ZMAT3: variants seen among roughly 807,000 people sequenced by gnomAD.
ZMAT3 encodes the protein zinc finger matrin-type protein 3.
A neutral mutation model predicts 32.3 loss-of-function variants in ZMAT3; 17 were observed. The observed-to-expected ratio is 0.53, with a 90% CI of 0.36 to 0.79. ZMAT3 has a LOEUF of 0.79. ZMAT3 is among the 30% of genes least tolerant of loss of function. ZMAT3 has a pLI of 0.00. For synonymous variants in ZMAT3, 120 were observed against 133.1 expected (o/e 0.90, Z 0.68); for missense variants, 329 against 359.7 (o/e 0.91, Z 0.69).
At chr3:179,063,433 A>C (rs1169299333) in intron 2 of ZMAT3, among the ~76,000 whole-genome samples, 1 of 152,230 alleles carries the variant, frequency 6.6e-6, no homozygotes, top group Non-Finnish European at 1.5e-5. Flanking sequence ...TTCTCTAATC[A>C]ATCTAATTCA....
intron 5 of ZMAT3, 99 bp from the exon 6 acceptor site, chr3:179,025,327 T>C: frequency 9.7e-7 from 1 of 1,026,460 alleles, no homozygotes; most frequent in Non-Finnish European, 1.4e-6. Context: ...GTTCAAATTA[T>C]AAAATTCACA....
intron 2 of ZMAT3, among the ~76,000 whole-genome samples, chr3:179,062,180 A>C (rs891432305): frequency 1.3e-5 from 2 of 152,314 alleles, no homozygotes; most frequent in Admixed American, 1.3e-4. Flanking sequence ...GGCCTGTAAG[A>C]TCATGGTGAC....
At position 179,019,532 on chromosome 3, in the gene ZMAT3, GC is replaced by G. The variant is rs1718437164; in HGVS notation, c.*5484del. 2 of 152,126 alleles carry G rather than the reference GC, an allele frequency of 1.3e-5. No individual in the cohort carries two copies. Among genetic ancestry groups the G allele is most frequent in the Admixed American group, 1.3e-4 (2 of 15,270 alleles). 9.4% of individuals were successfully genotyped at this position (152,126 alleles called of 1,614,324 possible). On this transcript the variant is annotated 3_prime_UTR_variant, in exon 6 of 6. Coordinates refer to ENST00000311417, the MANE Select transcript of ZMAT3 (RefSeq NM_022470.4). Reference sequence around the variant, plus strand: ...AGTCAAATGTTGATGGCAGAATCTAGCAGTGGTTATACTGCAAAGTTTTTTC... The same window carrying G: ...AGTCAAATGTTGATGGCAGAATCTAGAGTGGTTATACTGCAAAGTTTTTTC...
rs550531346 is a variant in ZMAT3 at position 179,018,584 on chromosome 3, C to T, written c.*6433G>A. On this transcript the variant is annotated 3_prime_UTR_variant, in exon 6 of 6. Coordinates refer to ENST00000311417, the MANE Select transcript of ZMAT3 (RefSeq NM_022470.4). ...AATCTGGAACATTTCAATTCTGATT[C>T]AATTCTACCCATTGAATCTTCATGA... 6.6e-6 allele frequency: 1 copy of T among 152,190 alleles called. No homozygotes were observed. The highest frequency in any genetic ancestry group is 1.9e-4 in the East Asian group (1 of 5,178). The allele number at this position is 152,190 out of a possible 1,614,324, so 9.4% of individuals were successfully genotyped here.
At position 179,023,710 on chromosome 3, in the gene ZMAT3, ATTTTTT is replaced by A. The variant is rs1164517696; in HGVS notation, c.*1301_*1306del. The A allele has an allele frequency of 2.0e-4, 5 of 25,054 alleles. 1 individual carries two copies. Among genetic ancestry groups the A allele is most frequent in the African/African-American group, 1.1e-3 (4 of 3,680 alleles). The allele number at this position is 25,054 out of a possible 1,614,324, so 1.6% of individuals were successfully genotyped here. Reference sequence around the variant, plus strand: ...GGAAAATATATCTATATATATATATATTTTTTTTTTTTTTTTTTTTTTTTTTTTGAG... The same window carrying A: ...GGAAAATATATCTATATATATATATATTTTTTTTTTTTTTTTTTTTTTGAG... On this transcript the variant is annotated 3_prime_UTR_variant, in exon 6 of 6. Coordinates refer to ENST00000311417, the MANE Select transcript of ZMAT3 (RefSeq NM_022470.4).
intron 2 of ZMAT3, 146 bp downstream of exon 2, chr3:179,067,337 T>C: frequency 1.1e-6 from 1 of 884,930 alleles, no homozygotes; most frequent in South Asian, 1.7e-5. Context: ...AACATAAGGC[T>C]TTTAATCAAA....
At chr3:179,030,113 T>C (rs1448624301) in intron 3 of ZMAT3, among the ~76,000 whole-genome samples, 4 of 152,210 alleles carry the variant, frequency 2.6e-5, no homozygotes, top group African/African-American at 7.2e-5. Flanking sequence ...CTGTTCTATC[T>C]TCCAAAGAGC....
At chr3:179,068,305 G>A (rs564569079) in intron 1 of ZMAT3, among the ~76,000 whole-genome samples, 2 of 152,214 alleles carry the variant, frequency 1.3e-5, no homozygotes, top group East Asian at 1.9e-4. Flanking sequence ...TCAGGAGTTC[G>A]AGACCAGCCT....
intron 2 of ZMAT3, among the ~76,000 whole-genome samples, chr3:179,034,936 T>C (rs1719499142): frequency 6.6e-6 from 1 of 152,172 alleles, no homozygotes; most frequent in African/African-American, 2.4e-5. Context: ...TACCAACATT[T>C]TTCATTTGCA....
chr3:179,024,156 G>A lies in ZMAT3; in HGVS notation c.*861C>T, dbSNP rs1320581552. 1 of 152,146 alleles carries A rather than the reference G, an allele frequency of 6.6e-6. No individual in the cohort carries two copies. Among genetic ancestry groups the A allele is most frequent in the African/African-American group, 2.4e-5 (1 of 41,426 alleles). The allele number at this position is 152,146 out of a possible 1,614,324, so 9.4% of individuals were successfully genotyped here. ...CAACTAGGGGGGAAAAAAGAGGAGG[G>A]AAGAAGGCGGCAATTATATGTGTGA... On this transcript the variant is annotated 3_prime_UTR_variant, in exon 6 of 6. Coordinates refer to ENST00000311417, the MANE Select transcript of ZMAT3 (RefSeq NM_022470.4).
rs529865832 is a variant in ZMAT3, at chr3:179,070,645, T to C, written c.-58+950A>G. Among the ~76,000 whole-genome samples the C allele has an allele frequency of 9.8e-5, 15 of 152,326 alleles. No individual in the cohort carries two copies. The East Asian group carries it at 2.7e-3, about 27-fold the overall frequency. ...AACTCAGATCTGTTCAACTGTTGCA[T>C]TGGTTTAAAAGGGACTAATTTGAAG... On this transcript the variant is annotated intron_variant, in intron 1 of 5. Coordinates refer to ENST00000311417, the MANE Select transcript of ZMAT3 (RefSeq NM_022470.4).
intron 2 of ZMAT3, among the ~76,000 whole-genome samples, chr3:179,050,181 CA>C (rs1443786597): frequency 1.3e-5 from 2 of 151,338 alleles, no homozygotes; most frequent in Non-Finnish European, 1.5e-5. Flanking sequence ...TTAAGTGAAA[CA>C]AAAGGTTGGT....
chr3:179,040,901 CAA>C (rs55945452), intron 2 of ZMAT3, among the ~76,000 whole-genome samples: 83,550 of 131,422 alleles, frequency 0.64, 24,189 homozygotes, highest in Middle Eastern at 0.73. Flanking sequence ...AAATGGAAAG[CAA>C]AAAAAAAAAA....
Position 179,024,331 on chromosome 3 carries a change from T to C in ZMAT3, c.*686A>G, listed in dbSNP as rs1274893767. 1 of 152,244 alleles carries C rather than the reference T, an allele frequency of 6.6e-6. No homozygotes were observed. The highest frequency in any genetic ancestry group is 2.4e-5 in the African/African-American group (1 of 41,434). The allele number at this position is 152,244 out of a possible 1,614,324, so 9.4% of individuals were successfully genotyped here. On this transcript the variant is annotated 3_prime_UTR_variant, in exon 6 of 6. Coordinates refer to ENST00000311417, the MANE Select transcript of ZMAT3 (RefSeq NM_022470.4). ...GAAAGACCCTAACAGTTTCTAATAA[T>C]GTATCCTACTGACAATGCATTGAGG... is the stretch of plus-strand genomic sequence containing the variant.
At chr3:179,064,069 T>C (rs1721280997) in intron 2 of ZMAT3, among the ~76,000 whole-genome samples, 1 of 152,232 alleles carries the variant, frequency 6.6e-6, no homozygotes, top group Non-Finnish European at 1.5e-5. Flanking sequence ...TGGCACATGA[T>C]ACAGTCCGGC....
intron 2 of ZMAT3, among the ~76,000 whole-genome samples, chr3:179,052,853 C>T (rs910509242): frequency 6.0e-4 from 91 of 152,270 alleles, no homozygotes; most frequent in African/African-American, 2.1e-3. Context: ...TTAGGCCAGG[C>T]GCGGTGGCTC....
intron 5 of ZMAT3, among the ~76,000 whole-genome samples, chr3:179,025,588 G>A (rs541521975): frequency 6.6e-6 from 1 of 152,252 alleles, no homozygotes; most frequent in South Asian, 2.1e-4. Flanking sequence ...CTACTTGTAA[G>A]AATTATCCTA....
chr3:179,057,839 C>T (rs1720930617), intron 2 of ZMAT3, among the ~76,000 whole-genome samples: 1 of 152,148 alleles, frequency 6.6e-6, no homozygotes, highest in Non-Finnish European at 1.5e-5. Flanking sequence ...ATACCCAGAA[C>T]ATTCTATACA....
At chr3:179,045,363 A>C (rs1382432801) in intron 2 of ZMAT3, among the ~76,000 whole-genome samples, 3 of 152,214 alleles carry the variant, frequency 2.0e-5, no homozygotes, top group Non-Finnish European at 2.9e-5. Context: ...TTGTAACAGC[A>C]AAAAAGGTGG....
Sources: gnomAD v4.1 joint callset for allele counts (sites outside exome capture counted in the v4.1 genomes callset) on GRCh38, gnomAD v4.1.1 for gene constraint, MANE v1.5 for transcripts, NCBI Gene and HGNC (gene_info 2026-07-23, HGNC 2026-07-21) for gene names.